The following CHKA variants were observed in gnomAD, a reference collection of about 807,000 sequenced individuals.
The protein encoded by CHKA is choline kinase alpha.
A neutral mutation model predicts 60.1 loss-of-function variants in CHKA; 34 were observed. The observed-to-expected ratio is 0.57, with a 90% CI of 0.43 to 0.75. The LOEUF (loss-of-function observed/expected upper bound fraction) is 0.75, where lower values mean the gene tolerates loss of function less well. Among genes scored for constraint, CHKA ranks in the 30% least tolerant of loss-of-function variants. The pLI is 0.00. For synonymous variants in CHKA, 217 were observed against 223.1 expected (o/e 0.97, Z 0.24); for missense variants, 563 against 561.3 (o/e 1.00, Z -0.03).
At chr11:68,081,774 C>T (rs1856997515) in intron 2 of CHKA, 1 of 212,706 alleles carries the variant, frequency 4.7e-6, no homozygotes, top group Non-Finnish European at 9.5e-6. Flanking sequence ...TGCACTCTTC[C>T]AATCAGGCCT....
chr11:68,086,875 A>G (rs1307146848), intron 2 of CHKA, among the ~76,000 whole-genome samples: 2 of 152,068 alleles, frequency 1.3e-5, no homozygotes, highest in African/African-American at 2.4e-5. Context: ...TGTCCCAGCT[A>G]CTCGGGAGGC....
intron 2 of CHKA, among the ~76,000 whole-genome samples, chr11:68,090,110 T>C (rs1857302356): frequency 6.6e-6 from 1 of 152,190 alleles, no homozygotes; most frequent in South Asian, 2.1e-4. Context: ...TAGTCTGTGG[T>C]TTATTTGGTT....
chr11:68,053,931 C>CG lies in CHKA; in HGVS notation c.*56dup. On this transcript the variant is annotated 3_prime_UTR_variant, in exon 12 of 12. Transcript: ENST00000265689. ...AGTAGTCGAAGCACAGAGGGGACCC[C>CG]GCTCTGCTGCCTCCCCATGCAGTCC... is the stretch of plus-strand genomic sequence containing the variant. The CG allele has an allele frequency of 6.6e-7, 1 of 1,507,986 alleles. No individual in the cohort carries two copies. The highest frequency in any genetic ancestry group is 9.2e-7 in the Non-Finnish European group (1 of 1,088,608). 93.4% of individuals were successfully genotyped at this position (1,507,986 alleles called of 1,614,324 possible). A position where few individuals can be genotyped will look rare whatever the true frequency, so the allele number is the denominator to read the frequency against.
intron 7 of CHKA, among the ~76,000 whole-genome samples, chr11:68,066,824 C>G (rs1445486076): frequency 2.6e-5 from 4 of 152,310 alleles, no homozygotes; most frequent in African/African-American, 9.6e-5. Context: ...CAGTACTTCC[C>G]AAATGTTCTG....
chr11:68,062,322 G>T (rs1295872083), intron 10 of CHKA, among the ~76,000 whole-genome samples: 1 of 152,196 alleles, frequency 6.6e-6, no homozygotes. Context: ...TATTCACAAG[G>T]TGAATATATT....
intron 7 of CHKA, among the ~76,000 whole-genome samples, chr11:68,068,504 A>C (rs1434635662): frequency 1.7e-4 from 26 of 151,768 alleles, no homozygotes; most frequent in Non-Finnish European, 2.9e-5. Context: ...TATAGCCTTG[A>C]ACTCCTAGGC....
At chr11:68,073,196 A>C (rs1409230828) in intron 4 of CHKA, among the ~76,000 whole-genome samples, 1 of 152,180 alleles carries the variant, frequency 6.6e-6, no homozygotes, top group Non-Finnish European at 1.5e-5. Context: ...CTACATGTGC[A>C]CATATTCTTA....
intron 2 of CHKA, among the ~76,000 whole-genome samples, chr11:68,095,786 A>G (rs982229393): frequency 1.4e-5 from 2 of 147,948 alleles, no homozygotes; most frequent in Admixed American, 1.4e-4. Context: ...TCACACCTGT[A>G]ATCCCAGCAC....
chr11:68,110,336 TTATC>T (rs1289895150), intron 1 of CHKA, among the ~76,000 whole-genome samples: 2 of 152,180 alleles, frequency 1.3e-5, no homozygotes, highest in Non-Finnish European at 2.9e-5. Flanking sequence ...GATGATATGA[TTATC>T]TATGTAGAAA....
Position 68,080,161 on chromosome 11 carries a change from T to C in CHKA, c.516+1243A>G, listed in dbSNP as rs554250627. 1.2e-4 allele frequency among the ~76,000 whole-genome samples: 19 copies of C among 152,190 alleles called. No homozygotes were observed. The South Asian group carries it at 1.5e-3, about 12-fold the overall frequency. On this transcript the variant is annotated intron_variant, in intron 3 of 11. Transcript: ENST00000265689. ...AGGGCTTGGAATGGTTCACAACAGATTGTCAATCACTTCCCACCCAAGGAC... is the reference window on the plus strand; with the variant it reads ...AGGGCTTGGAATGGTTCACAACAGACTGTCAATCACTTCCCACCCAAGGAC...
rs1167438959 is a variant in CHKA at position 68,121,319 on chromosome 11, GGCGGCGGCT to G, written c.-151_-143del. On this transcript the variant is annotated 5_prime_UTR_variant, in exon 1 of 12. Coordinates refer to ENST00000265689, the MANE Select transcript of CHKA (RefSeq NM_001277.3). ...GCGGCGGTTGGGCGCGCGGGGCGGCGGCGGCGGCTGCGGCGACTGCGGCGACTGTGGAGC... is the reference window on the plus strand; with the variant it reads ...GCGGCGGTTGGGCGCGCGGGGCGGCGGCGGCGACTGCGGCGACTGTGGAGC... The G allele has an allele frequency of 0.017, 5,286 of 319,070 alleles. 53 individuals are homozygous for G. The highest frequency in any genetic ancestry group is 0.02 in the Non-Finnish European group (4,823 of 240,116). 19.8% of individuals were successfully genotyped at this position (319,070 alleles called of 1,614,324 possible).
chr11:68,077,427 T>C (rs1003324636), intron 3 of CHKA, among the ~76,000 whole-genome samples: 1 of 152,194 alleles, frequency 6.6e-6, no homozygotes, highest in Non-Finnish European at 1.5e-5. Flanking sequence ...CAGACATGGC[T>C]GGGTTCTCTC....
intron 7 of CHKA, among the ~76,000 whole-genome samples, chr11:68,066,856 G>A (rs149405684): frequency 1.5e-3 from 224 of 152,314 alleles, no homozygotes; most frequent in Non-Finnish European, 2.4e-3. Context: ...GCAGGAGCTC[G>A]TGCTAGCCAA....
At chr11:68,096,834 A>C (rs906438709) in intron 2 of CHKA, among the ~76,000 whole-genome samples, 185 bp downstream of exon 2, 3 of 152,346 alleles carry the variant, frequency 2.0e-5, no homozygotes, top group African/African-American at 4.8e-5. Flanking sequence ...ACTAAAAAAA[A>C]CACGAATTAA....
At chr11:68,094,373 C>T (rs4400816) in intron 2 of CHKA, among the ~76,000 whole-genome samples, 3,467 of 152,190 alleles carry the variant, frequency 0.023, 47 homozygotes, top group Non-Finnish European at 0.037. Context: ...GAAACCCTGC[C>T]TCTACAAAAA....
At chr11:68,094,249 A>G (rs1048109980) in intron 2 of CHKA, among the ~76,000 whole-genome samples, 5 of 152,236 alleles carry the variant, frequency 3.3e-5, no homozygotes, top group Non-Finnish European at 7.3e-5. Context: ...AATGACTATC[A>G]AGACATAGCA....
intron 3 of CHKA, among the ~76,000 whole-genome samples, chr11:68,081,024 G>A (rs763244153): frequency 5.9e-5 from 9 of 152,214 alleles, no homozygotes; most frequent in East Asian, 1.9e-4. Context: ...GCAGTGACCC[G>A]CTTCCTGATG....
chr11:68,054,102 G>A (rs892781521), intron 11 of CHKA, 55 bp from the exon 12 acceptor site: 2 of 1,472,440 alleles, frequency 1.4e-6, no homozygotes, highest in East Asian at 2.3e-5. Flanking sequence ...CCTGAACCCT[G>A]CCCATGTGTC....
At chr11:68,082,324 A>C (rs1382869418) in intron 2 of CHKA, among the ~76,000 whole-genome samples, 2 of 152,298 alleles carry the variant, frequency 1.3e-5, no homozygotes, top group East Asian at 3.9e-4. Flanking sequence ...GTAAAGTCAG[A>C]AACTTGTGTC....
Sources: gnomAD v4.1 joint callset for allele counts (sites outside exome capture counted in the v4.1 genomes callset) on GRCh38, gnomAD v4.1.1 for gene constraint, MANE v1.5 for transcripts, NCBI Gene and HGNC (gene_info 2026-07-23, HGNC 2026-07-21) for gene names.